ZFHX3: variants seen among roughly 807,000 people sequenced by gnomAD.
The protein encoded by ZFHX3 is zinc finger homeobox 3.
In ZFHX3, 42 loss-of-function variants were observed where a neutral mutation model predicts 279.1. The observed-to-expected ratio is 0.15, with a 90% CI of 0.12 to 0.19. The LOEUF (loss-of-function observed/expected upper bound fraction) is 0.19. Among genes scored for constraint, ZFHX3 ranks in the 10% least tolerant of loss-of-function variants. ZFHX3 has a pLI of 1.00. For synonymous variants in ZFHX3, 2,293 were observed against 1,957.8 expected (o/e 1.17, Z -4.52); for missense variants, 4,981 against 4,754.0 (o/e 1.05, Z -1.40).
At chr16:73,533,517 T>C (rs1002213130) in intron 2 of ZFHX3, among the ~76,000 whole-genome samples, 2 of 151,694 alleles carry the variant, frequency 1.3e-5, no homozygotes, top group African/African-American at 4.8e-5. Flanking sequence ...CCAGATCCAG[T>C]TTCATGGCTT....
At chr16:72,992,967 T>A (rs1477326832) in intron 1 of ZFHX3, among the ~76,000 whole-genome samples, 1 of 152,182 alleles carries the variant, frequency 6.6e-6, no homozygotes, top group Non-Finnish European at 1.5e-5. Context: ...TGAGACCCCA[T>A]CTCTACTAAA....
intron 1 of ZFHX3, among the ~76,000 whole-genome samples, chr16:73,811,495 G>T (rs752553538): frequency 6.8e-6 from 1 of 146,232 alleles, no homozygotes; most frequent in Admixed American, 6.9e-5. Context: ...CTAGGCGGGA[G>T]TGGCAGTGGC....
intron 2 of ZFHX3, among the ~76,000 whole-genome samples, chr16:73,663,239 G>C (rs1011433610): frequency 6.6e-6 from 1 of 152,144 alleles, no homozygotes; most frequent in Non-Finnish European, 1.5e-5. Context: ...AAATTCAGTA[G>C]CTTGCTTCCC....
intron 3 of ZFHX3, among the ~76,000 whole-genome samples, chr16:73,405,566 T>C (rs1385932371): frequency 6.6e-6 from 1 of 150,588 alleles, no homozygotes; most frequent in Non-Finnish European, 1.5e-5. Flanking sequence ...GCCACTGTAA[T>C]TTATACATTA....
At chr16:73,760,802 A>G (rs2053856144) in intron 1 of ZFHX3, among the ~76,000 whole-genome samples, 1 of 152,118 alleles carries the variant, frequency 6.6e-6, no homozygotes, top group African/African-American at 2.4e-5. Context: ...TCAATAAAGA[A>G]AGGTACATTT....
At chr16:73,162,300 ACATGCGAGGGATCTAGGTTGCACACTCTT>A (rs1967257438) in intron 5 of ZFHX3, among the ~76,000 whole-genome samples, 1 of 152,228 alleles carries the variant, frequency 6.6e-6, no homozygotes, top group Non-Finnish European at 1.5e-5. Flanking sequence ...TGTGAACTGC[ACATGCGAGGGATCTAGGTTGCACACTCTT>A]CATGAGAATC....
intron 3 of ZFHX3, among the ~76,000 whole-genome samples, chr16:73,330,597 G>A (rs572323437): frequency 6.6e-6 from 1 of 152,218 alleles, no homozygotes; most frequent in Non-Finnish European, 1.5e-5. Flanking sequence ...GAACTTTGAA[G>A]TGGGCTTGAG....
intron 5 of ZFHX3, among the ~76,000 whole-genome samples, chr16:73,144,085 T>A (rs985688689): frequency 5.3e-5 from 8 of 152,172 alleles, no homozygotes; most frequent in Admixed American, 4.6e-4. Context: ...AAGGCATTTT[T>A]AAAAATGAAA....
At chr16:73,166,095 G>T (rs186150328) in intron 5 of ZFHX3, among the ~76,000 whole-genome samples, 27 of 152,242 alleles carry the variant, frequency 1.8e-4, no homozygotes, top group African/African-American at 6.0e-4. Context: ...CCAAATTAGG[G>T]GCAATATAGA....
chr16:73,202,299 C>T (rs530927298), intron 5 of ZFHX3, among the ~76,000 whole-genome samples: 25 of 152,342 alleles, frequency 1.6e-4, no homozygotes, highest in African/African-American at 6.0e-4. Flanking sequence ...AATCACCCAT[C>T]TCTTAGTTAT....
At chr16:73,808,933 T>C (rs990302627) in intron 1 of ZFHX3, among the ~76,000 whole-genome samples, 1 of 152,134 alleles carries the variant, frequency 6.6e-6, no homozygotes, top group Non-Finnish European at 1.5e-5. Flanking sequence ...AGCAAACTAC[T>C]ATGTAGAGAA....
intron 2 of ZFHX3, chr16:73,499,789 C>T (rs575702508): frequency 6.6e-6 from 1 of 152,246 alleles, no homozygotes; most frequent in South Asian, 2.1e-4. Context: ...CACATGACAA[C>T]GTTTCAATCA....
chr16:73,223,769 C>G (rs904965001), intron 5 of ZFHX3, among the ~76,000 whole-genome samples: 9 of 152,144 alleles, frequency 5.9e-5, no homozygotes, highest in Non-Finnish European at 1.5e-5. Context: ...TATAACAGGT[C>G]TATTCATAAT....
intron 4 of ZFHX3, among the ~76,000 whole-genome samples, chr16:73,291,239 C>A (rs2014761103): frequency 1.3e-5 from 2 of 152,190 alleles, no homozygotes; most frequent in South Asian, 4.1e-4. Flanking sequence ...TTCACCTAGA[C>A]ACGGGCCTTC....
At chr16:72,925,280 G>A (rs191684663) in intron 3 of ZFHX3, among the ~76,000 whole-genome samples, 62 of 152,292 alleles carry the variant, frequency 4.1e-4, no homozygotes, top group Non-Finnish European at 6.6e-4. Flanking sequence ...CTTGCCCACC[G>A]TCAATGCAGC....
At position 73,215,892 on chromosome 16, in the gene ZFHX3, C is replaced by T. The variant is rs534953818; in HGVS notation, c.-1104+41155G>A. 1.2e-4 allele frequency among the ~76,000 whole-genome samples: 18 copies of T among 151,740 alleles called. No homozygotes were observed. The East Asian group carries it at 3.3e-3, about 28-fold the overall frequency. On this transcript the variant is annotated intron_variant, in intron 5 of 17. Coordinates refer to the ZFHX3 transcript ENST00000641206. ...GTGTGCATGGACGTGTGTGTGTGTGCGTGTGTATGTGTATGCTGGGTCTAC... is the reference window on the plus strand; with the variant it reads ...GTGTGCATGGACGTGTGTGTGTGTGTGTGTGTATGTGTATGCTGGGTCTAC...
chr16:73,756,919 A>T (rs1028692360), intron 1 of ZFHX3, among the ~76,000 whole-genome samples: 1 of 152,132 alleles, frequency 6.6e-6, no homozygotes, highest in African/African-American at 2.4e-5. Flanking sequence ...CCTCAACATT[A>T]TGGGGACTTT....
intron 3 of ZFHX3, chr16:73,386,751 C>CAA (rs10639035): frequency 0.42 from 62,202 of 147,596 alleles, 13,380 homozygotes; most frequent in Non-Finnish European, 0.49. Flanking sequence ...TATGTGGAAG[C>CAA]AAAAAAAAAA....
At chr16:73,426,295 T>C (rs77353257) in intron 3 of ZFHX3, among the ~76,000 whole-genome samples, 1,998 of 152,310 alleles carry the variant, frequency 0.013, 51 homozygotes, top group African/African-American at 0.045. Context: ...GAGGTTTTGT[T>C]TGTTTGTTTG....
Sources: allele counts gnomAD v4.1 joint callset (sites outside exome capture counted in the v4.1 genomes callset), GRCh38; gene constraint gnomAD v4.1.1; transcripts MANE v1.5; gene names NCBI Gene and HGNC (gene_info 2026-07-23, HGNC 2026-07-21).